The following HDAC9 variants were observed in gnomAD, a reference collection of about 807,000 sequenced individuals.
The protein encoded by HDAC9 is MEF-2 interacting transcription repressor (MITR) protein.
Under a neutral mutation model 139.4 loss-of-function variants are expected in HDAC9, and 41 were observed. The ratio of observed to expected loss-of-function variants is 0.29; its 90% CI spans 0.23 to 0.38. The LOEUF is 0.38. HDAC9 is among the 10% of genes least tolerant of loss of function. HDAC9 has a pLI of 1.00. For synonymous variants in HDAC9, 517 were observed against 476.2 expected (o/e 1.09, Z -1.12); for missense variants, 1,147 against 1,297.0 (o/e 0.88, Z 1.78).
chr7:18,297,254 TA>T lies in HDAC9; in HGVS notation c.-42+6745del, dbSNP rs528456590. On this transcript the variant is annotated intron_variant, in intron 1 of 3. Transcript: ENST00000413509. Reference sequence around the variant, plus strand: ...ATTTTTATTTAAAAACTTTTTTATTTAAAAAACTTTTAATTAAAAACTGTTT... The same window carrying T: ...ATTTTTATTTAAAAACTTTTTTATTTAAAAACTTTTAATTAAAAACTGTTT... Among the ~76,000 whole-genome samples, 1,297 of 152,316 alleles carry T rather than the reference TA, an allele frequency of 8.5e-3. 9 individuals carry two copies. The highest frequency in any genetic ancestry group is 0.034 in the Middle Eastern group (10 of 294).
chr7:18,200,799 A>G (rs1791063590), intron 2 of HDAC9, among the ~76,000 whole-genome samples: 1 of 152,124 alleles, frequency 6.6e-6, no homozygotes, highest in Admixed American at 6.6e-5. Context: ...TCGTTATTAT[A>G]ATTTTTTCCC....
intron 2 of HDAC9, among the ~76,000 whole-genome samples, chr7:18,206,203 A>G (rs189685918): frequency 2.1e-4 from 32 of 152,170 alleles, no homozygotes; most frequent in Middle Eastern, 3.4e-3. Context: ...GTTAATTGTA[A>G]TTTCTATCAT....
At chr7:18,700,540 T>G (rs1783394186) in intron 12 of HDAC9, among the ~76,000 whole-genome samples, 1 of 152,202 alleles carries the variant, frequency 6.6e-6, no homozygotes, top group Non-Finnish European at 1.5e-5. Context: ...TATATTTACA[T>G]TTTTGGAGGA....
chr7:18,309,501 T>G (rs906418508), intron 1 of HDAC9, among the ~76,000 whole-genome samples: 6 of 152,156 alleles, frequency 3.9e-5, no homozygotes, highest in Non-Finnish European at 8.8e-5. Context: ...GCCTCACTGT[T>G]CCCCAAAATA....
intron 1 of HDAC9, among the ~76,000 whole-genome samples, chr7:18,308,555 C>G (rs1378931448): frequency 6.6e-6 from 1 of 152,048 alleles, no homozygotes; most frequent in Admixed American, 6.6e-5. Flanking sequence ...TTGGTGTACT[C>G]AGTAGGTGAT....
chr7:18,535,619 G>A (rs1194418498), intron 2 of HDAC9, among the ~76,000 whole-genome samples: 5 of 139,272 alleles, frequency 3.6e-5, no homozygotes, highest in Non-Finnish European at 7.6e-5. Context: ...TCATTTTATT[G>A]ATAACAAATG....
intron 1 of HDAC9, among the ~76,000 whole-genome samples, chr7:18,335,445 C>G (rs1781514726): frequency 6.6e-6 from 1 of 151,396 alleles, no homozygotes; most frequent in Non-Finnish European, 1.5e-5. Flanking sequence ...TTTCATCAGG[C>G]CCACAATGGT....
intron 2 of HDAC9, among the ~76,000 whole-genome samples, chr7:18,259,105 G>T (rs1444935415): frequency 6.6e-6 from 1 of 151,806 alleles, no homozygotes; most frequent in Admixed American, 6.6e-5. Context: ...CAGTAGCTGG[G>T]ATTACAGACA....
chr7:18,323,053 C>G (rs913269781), intron 1 of HDAC9, among the ~76,000 whole-genome samples: 1 of 152,122 alleles, frequency 6.6e-6, no homozygotes, highest in South Asian at 2.1e-4. Context: ...GGTTGGCCCA[C>G]TTCTGGAATG....
At chr7:18,564,073 G>A (rs1583436238) in intron 2 of HDAC9, among the ~76,000 whole-genome samples, 1 of 152,014 alleles carries the variant, frequency 6.6e-6, no homozygotes, top group Non-Finnish European at 1.5e-5. Flanking sequence ...CTGACCTCAT[G>A]ATCCGCCCGC....
intron 1 of HDAC9, among the ~76,000 whole-genome samples, chr7:18,297,742 G>A (rs1436896271): frequency 6.6e-6 from 1 of 152,204 alleles, no homozygotes; most frequent in East Asian, 1.9e-4. Context: ...GTAAATGTCA[G>A]TGCTAGGTAA....
chr7:18,635,698 T>G (rs1197480668), intron 8 of HDAC9, among the ~76,000 whole-genome samples: 1 of 152,144 alleles, frequency 6.6e-6, no homozygotes, highest in Non-Finnish European at 1.5e-5. Flanking sequence ...ACTTCTAATA[T>G]ATAACATACT....
intron 1 of HDAC9, among the ~76,000 whole-genome samples, chr7:18,364,801 T>C (rs1217571573): frequency 6.6e-6 from 1 of 152,066 alleles, no homozygotes; most frequent in Non-Finnish European, 1.5e-5. Context: ...GAGGAATGAA[T>C]AGGTGGCAAA....
Position 18,762,375 on chromosome 7 carries a change from A to C in HDAC9, c.2164+98A>C. 2.9e-6 allele frequency: 4 copies of C among 1,391,626 alleles called. No homozygotes were observed. The South Asian group carries it at 5.3e-5, about 19-fold the overall frequency. The allele number at this position is 1,391,626 out of a possible 1,614,324, so 86.2% of individuals were successfully genotyped here. ...CAAAATACTTGGCAAGTAGTGCAAC[A>C]AAAAATCAGTTTTTCCAACAGCTTT... On this transcript the variant is annotated intron_variant, in intron 15 of 25. Coordinates refer to ENST00000686413, the MANE Select transcript of HDAC9 (RefSeq NM_178425.4).
chr7:18,134,386 A>G (rs889239411), intron 1 of HDAC9, among the ~76,000 whole-genome samples: 5 of 152,142 alleles, frequency 3.3e-5, no homozygotes, highest in African/African-American at 7.2e-5. Flanking sequence ...AAATTCCTCT[A>G]TAACTCTGAT....
intron 22 of HDAC9, among the ~76,000 whole-genome samples, chr7:18,925,830 A>G (rs1804171990): frequency 6.6e-6 from 1 of 151,836 alleles, no homozygotes; most frequent in Non-Finnish European, 1.5e-5. Flanking sequence ...TTTTTTAAAA[A>G]CATTGTTCAA....
intron 1 of HDAC9, among the ~76,000 whole-genome samples, chr7:18,429,857 T>A (rs1790478308): frequency 6.6e-6 from 1 of 152,210 alleles, no homozygotes; most frequent in African/African-American, 2.4e-5. Flanking sequence ...TAAATTAATT[T>A]GTCAGTATTT....
intron 2 of HDAC9, among the ~76,000 whole-genome samples, chr7:18,577,942 T>G (rs1481294754): frequency 6.6e-6 from 1 of 151,942 alleles, no homozygotes; most frequent in East Asian, 1.9e-4. Context: ...TAAAAAAAAT[T>G]TAAAAACCTT....
At chr7:18,813,669 T>G (rs1211956458) in intron 17 of HDAC9, among the ~76,000 whole-genome samples, 2 of 152,208 alleles carry the variant, frequency 1.3e-5, no homozygotes, top group Non-Finnish European at 2.9e-5. Flanking sequence ...ACATTTACTT[T>G]GTGGGAAACT....
Sources: gnomAD v4.1 joint callset for allele counts (sites outside exome capture counted in the v4.1 genomes callset) on GRCh38, gnomAD v4.1.1 for gene constraint, MANE v1.5 for transcripts, NCBI Gene and HGNC (gene_info 2026-07-23, HGNC 2026-07-21) for gene names.